Variants in NRXN3 observed in about 807,000 individuals in gnomAD.
NRXN3 encodes the protein neurexin 3.
A neutral mutation model predicts 137.6 loss-of-function variants in NRXN3; 32 were observed. The observed-to-expected ratio is 0.23, with a 90% CI of 0.18 to 0.31. The LOEUF is 0.31. NRXN3 is among the 10% of genes least tolerant of loss of function. NRXN3 has a pLI of 1.00. For missense variants in NRXN3, 1,574 were observed against 2,062.5 expected (o/e 0.76, Z 4.59); for synonymous variants, 798 against 784.5 (o/e 1.02, Z -0.29).
At chr14:79,538,077 G>C (rs2097231740) in intron 16 of NRXN3, among the ~76,000 whole-genome samples, 3 of 152,180 alleles carry the variant, frequency 2.0e-5, no homozygotes, top group African/African-American at 4.8e-5. Flanking sequence ...TCTTTCAGCT[G>C]CATAAATGTC....
intron 4 of NRXN3, among the ~76,000 whole-genome samples, chr14:78,311,462 C>G (rs747690913): frequency 6.6e-6 from 1 of 152,206 alleles, no homozygotes. Context: ...GCAGGCTGCA[C>G]ACAGCCCAGG....
chr14:78,992,637 G>A (rs568226549), intron 15 of NRXN3, among the ~76,000 whole-genome samples: 87 of 152,244 alleles, frequency 5.7e-4, no homozygotes, highest in African/African-American at 2.1e-3. Flanking sequence ...GTGTAGAATA[G>A]AACCCTCCTG....
At chr14:78,777,371 G>A (rs1425562197) in intron 8 of NRXN3, among the ~76,000 whole-genome samples, 1 of 152,144 alleles carries the variant, frequency 6.6e-6, no homozygotes, top group Non-Finnish European at 1.5e-5. Context: ...TCCAAATACA[G>A]CTAATATAAG....
At chr14:78,532,438 T>C (rs1284643118) in intron 4 of NRXN3, among the ~76,000 whole-genome samples, 2 of 147,888 alleles carry the variant, frequency 1.4e-5, no homozygotes, top group African/African-American at 5.0e-5. Context: ...CCAGCCCCCT[T>C]AGAAAGATTC....
chr14:78,652,360 C>G (rs1017499294), intron 6 of NRXN3, among the ~76,000 whole-genome samples: 77 of 152,294 alleles, frequency 5.1e-4, no homozygotes, highest in African/African-American at 1.8e-3. Context: ...AGCAAAGGAG[C>G]TTCAGCCAAG....
chr14:78,802,815 A>T (rs2098843431), intron 8 of NRXN3, among the ~76,000 whole-genome samples: 1 of 152,158 alleles, frequency 6.6e-6, no homozygotes, highest in South Asian at 2.1e-4. Context: ...GCATGGTGGC[A>T]TGCGCCTGTA....
intron 16 of NRXN3, among the ~76,000 whole-genome samples, chr14:79,538,666 C>T (rs2097240021): frequency 6.6e-6 from 1 of 152,122 alleles, no homozygotes; most frequent in African/African-American, 2.4e-5. Flanking sequence ...TAGTTTGCAA[C>T]ATTTTTCTCC....
chr14:79,094,613 GTC>G (rs1180703834), intron 15 of NRXN3, among the ~76,000 whole-genome samples: 1 of 152,176 alleles, frequency 6.6e-6, no homozygotes, highest in African/African-American at 2.4e-5. Context: ...TCTGACGGCA[GTC>G]TGTTCAATAT....
intron 15 of NRXN3, among the ~76,000 whole-genome samples, chr14:79,298,261 G>C (rs982949288): frequency 1.3e-5 from 2 of 151,970 alleles, no homozygotes; most frequent in African/African-American, 4.8e-5. Flanking sequence ...TAATTTCTGT[G>C]GTATTTCTTC....
At chr14:79,142,588 A>C (rs535829078) in intron 15 of NRXN3, among the ~76,000 whole-genome samples, 1 of 152,190 alleles carries the variant, frequency 6.6e-6, no homozygotes, top group African/African-American at 2.4e-5. Flanking sequence ...GTGAAGTGGC[A>C]TGCATGCCAG....
intron 4 of NRXN3, among the ~76,000 whole-genome samples, chr14:78,612,110 C>T (rs2097305524): frequency 6.6e-6 from 1 of 152,182 alleles, no homozygotes; most frequent in Admixed American, 6.5e-5. Flanking sequence ...GTCCAGAGGA[C>T]ATCACTGATG....
chr14:79,377,194 T>A (rs1278238398), intron 15 of NRXN3, among the ~76,000 whole-genome samples: 4 of 152,192 alleles, frequency 2.6e-5, no homozygotes, highest in African/African-American at 9.6e-5. Flanking sequence ...TCATGTAGTA[T>A]CTTAAGATGC....
intron 15 of NRXN3, among the ~76,000 whole-genome samples, chr14:79,157,884 G>C (rs530390269): frequency 6.6e-6 from 1 of 151,820 alleles, no homozygotes; most frequent in East Asian, 2.0e-4. Flanking sequence ...ATTTGTGATG[G>C]GGACTAGTAA....
At chr14:79,709,460 A>AC (rs1386263434) in intron 19 of NRXN3, among the ~76,000 whole-genome samples, 2 of 151,972 alleles carry the variant, frequency 1.3e-5, no homozygotes, top group Non-Finnish European at 2.9e-5. Context: ...TTTACTGCAT[A>AC]CCCCCAAGGC....
intron 19 of NRXN3, among the ~76,000 whole-genome samples, chr14:79,774,928 G>GAT (rs555723546): frequency 3.3e-4 from 50 of 151,846 alleles, no homozygotes; most frequent in Non-Finnish European, 4.9e-4. Flanking sequence ...GATTAAGTAT[G>GAT]ATATATATAT....
chr14:78,398,214 CAAAAAAAAAA>C (rs55841376), intron 4 of NRXN3, among the ~76,000 whole-genome samples: 63,415 of 128,754 alleles, frequency 0.49, 14,316 homozygotes, highest in Middle Eastern at 0.65. Context: ...AACTCTGTTT[CAAAAAAAAAA>C]AAAAAAAAAA....
At position 79,413,385 on chromosome 14, in the gene NRXN3, T is replaced by G. The variant is rs148126368; in HGVS notation, c.3263-53836T>G. On this transcript the variant is annotated intron_variant, in intron 15 of 20. Coordinates refer to ENST00000335750, the MANE Select transcript of NRXN3 (RefSeq NM_001330195.2). ...TGTGCTGTTTGGTTGTATTCTTTATTGGATCTGGGATGATATGACTTCTTT... is the reference window on the plus strand; with the variant it reads ...TGTGCTGTTTGGTTGTATTCTTTATGGGATCTGGGATGATATGACTTCTTT... Among the ~76,000 whole-genome samples, 243 of 152,280 alleles carry G rather than the reference T, an allele frequency of 1.6e-3. 1 individual carries two copies. The highest frequency in any genetic ancestry group is 5.5e-3 in the African/African-American group (228 of 41,562).
At chr14:78,490,192 T>G (rs1475070079) in intron 4 of NRXN3, among the ~76,000 whole-genome samples, 1 of 24,884 alleles carries the variant, frequency 4.0e-5, no homozygotes, top group Non-Finnish European at 8.6e-5. Context: ...GGATTACAGG[T>G]GTGATCCACC....
At chr14:78,362,519 C>G (rs1486964663) in intron 4 of NRXN3, among the ~76,000 whole-genome samples, 1 of 152,152 alleles carries the variant, frequency 6.6e-6, no homozygotes, top group Non-Finnish European at 1.5e-5. Flanking sequence ...AATTAGAACA[C>G]TTCAGACACA....
Sources: allele counts gnomAD v4.1 joint callset (sites outside exome capture counted in the v4.1 genomes callset), GRCh38; gene constraint gnomAD v4.1.1; transcripts MANE v1.5; gene names NCBI Gene and HGNC (gene_info 2026-07-23, HGNC 2026-07-21).